PTPRT: variants seen among roughly 807,000 people sequenced by gnomAD.
PTPRT encodes the protein receptor-type tyrosine-protein phosphatase T.
PTPRT carries 56 observed loss-of-function variants against 176.8 expected under a neutral mutation model. The ratio of observed to expected loss-of-function variants is 0.32; its 90% CI spans 0.26 to 0.40. PTPRT has a LOEUF of 0.40. Ranked by LOEUF, PTPRT falls within the 10% of genes least tolerant of loss-of-function variation. The pLI is 1.00. For synonymous variants in PTPRT, 783 were observed against 739.0 expected, an observed-to-expected ratio of 1.06 and a Z score of -0.96; for missense variants, 1,540 against 1,908.2, an observed-to-expected ratio of 0.81 and a Z score of 3.60.
intron 18 of PTPRT, among the ~76,000 whole-genome samples, chr20:42,132,901 A>T (rs1358169915): frequency 6.6e-6 from 1 of 151,914 alleles, no homozygotes; most frequent in Non-Finnish European, 1.5e-5. Flanking sequence ...TAAAACTGCA[A>T]AAACTTGGAG....
At chr20:42,507,649 A>G (rs2071870901) in intron 7 of PTPRT, among the ~76,000 whole-genome samples, 1 of 152,170 alleles carries the variant, frequency 6.6e-6, no homozygotes, top group Non-Finnish European at 1.5e-5. Flanking sequence ...GAGTCTTAAC[A>G]AATATTAGTT....
chr20:42,270,100 C>G (rs74740265), intron 13 of PTPRT, among the ~76,000 whole-genome samples: 1,805 of 152,178 alleles, frequency 0.012, 42 homozygotes, highest in African/African-American at 0.041. Context: ...TGGAACATAT[C>G]TTCTTTTGCT....
intron 15 of PTPRT, among the ~76,000 whole-genome samples, chr20:42,234,799 G>T (rs2056207430): frequency 6.6e-6 from 1 of 152,164 alleles, no homozygotes; most frequent in Non-Finnish European, 1.5e-5. Context: ...TGGTGATGGG[G>T]GCCCATTTGT....
chr20:42,892,467 T>C (rs1288298690), intron 1 of PTPRT, among the ~76,000 whole-genome samples: 1 of 151,024 alleles, frequency 6.6e-6, no homozygotes, highest in East Asian at 1.9e-4. Flanking sequence ...GTTCTTTTAA[T>C]ATCCAGCAGT....
rs1444440253 is a variant in PTPRT, at chr20:42,119,943, G to A, written c.2876C>T (p.Ala959Val). Residue 959 changes from alanine (A) to valine (V), a missense_variant, in exon 20 of 31, where the codon GCG becomes GTG. Coordinates refer to ENST00000373187, the MANE Select transcript of PTPRT (RefSeq NM_007050.6). ...GGAGGGAGGGCACTTACCTTGAGTCGCAATGTAGTGCCGAGGTCGATGGTA... is the reference window on the plus strand; with the variant it reads ...GGAGGGAGGGCACTTACCTTGAGTCACAATGTAGTGCCGAGGTCGATGGTA... ...DGYHRPRHYI[A>V]TQGPMQETVK... The A allele has an allele frequency of 1.9e-6, 3 of 1,608,210 alleles. No individual in the cohort carries two copies. The highest frequency in any genetic ancestry group is 2.5e-6 in the Non-Finnish European group (3 of 1,177,282).
At chr20:42,628,057 A>G (rs571339697) in intron 7 of PTPRT, among the ~76,000 whole-genome samples, 1 of 152,298 alleles carries the variant, frequency 6.6e-6, no homozygotes, top group South Asian at 2.1e-4. Flanking sequence ...CCTAGGAGCC[A>G]TCACAGCCCC....
chr20:42,482,528 A>C (rs2071404822), intron 7 of PTPRT, among the ~76,000 whole-genome samples: 1 of 152,246 alleles, frequency 6.6e-6, no homozygotes. Context: ...GAGTGAACCA[A>C]ACAGGCAAAA....
intron 4 of PTPRT, among the ~76,000 whole-genome samples, chr20:42,776,022 AG>A (rs1457472877): frequency 6.6e-6 from 1 of 152,194 alleles, no homozygotes; most frequent in Non-Finnish European, 1.5e-5. Context: ...CCCTGTAAGC[AG>A]TCCCTGGGGC....
intron 14 of PTPRT, among the ~76,000 whole-genome samples, chr20:42,238,066 C>T (rs1451476178): frequency 6.6e-6 from 1 of 152,120 alleles, no homozygotes; most frequent in African/African-American, 2.4e-5. Context: ...ATCATCTCAT[C>T]TCCTCTTCAC....
intron 14 of PTPRT, among the ~76,000 whole-genome samples, chr20:42,244,436 G>A (rs535906250): frequency 2.0e-5 from 3 of 152,324 alleles, no homozygotes; most frequent in Non-Finnish European, 2.9e-5. Flanking sequence ...CTGGGCAGGG[G>A]AGCAGGGGAG....
intron 8 of PTPRT, among the ~76,000 whole-genome samples, chr20:42,453,120 T>C (rs1002796037): frequency 6.6e-6 from 1 of 152,210 alleles, no homozygotes; most frequent in African/African-American, 2.4e-5. Context: ...TTATTCTTCT[T>C]TTGCAAAGCT....
intron 26 of PTPRT, 75 bp downstream of exon 26, chr20:42,102,049 C>G: frequency 6.5e-7 from 1 of 1,539,374 alleles, no homozygotes; most frequent in East Asian, 2.3e-5. Context: ...GCCCTGAGGT[C>G]CAGCCACCTC....
At chr20:42,206,064 A>C (rs1358246717) in intron 15 of PTPRT, among the ~76,000 whole-genome samples, 1 of 152,132 alleles carries the variant, frequency 6.6e-6, no homozygotes, top group Non-Finnish European at 1.5e-5. Context: ...CAGTTCAGGA[A>C]TGTGGACACC....
chr20:42,886,276 C>T (rs987300312), intron 1 of PTPRT, among the ~76,000 whole-genome samples: 1 of 152,088 alleles, frequency 6.6e-6, no homozygotes, highest in African/African-American at 2.4e-5. Flanking sequence ...TTGTGCAGCA[C>T]GGAGAGATGC....
chr20:42,545,045 C>A (rs781101979), intron 7 of PTPRT, among the ~76,000 whole-genome samples: 4 of 152,172 alleles, frequency 2.6e-5, no homozygotes, highest in African/African-American at 4.8e-5. Flanking sequence ...AAGGAACATA[C>A]GGCCAGACAC....
intron 6 of PTPRT, among the ~76,000 whole-genome samples, chr20:42,694,073 C>CT (rs1481739988): frequency 5.5e-5 from 8 of 146,720 alleles, no homozygotes; most frequent in African/African-American, 1.0e-4. Flanking sequence ...GAGTCTCGCT[C>CT]TGTCGCCCAG....
Position 42,191,334 on chromosome 20 carries a change from G to C in PTPRT, c.2491+7906C>G, listed in dbSNP as rs551829338. Among the ~76,000 whole-genome samples the C allele has an allele frequency of 2.6e-4, 40 of 152,300 alleles. 1 individual carries two copies. In the South Asian group the frequency reaches 7.5e-3, roughly 28 times the overall value. On this transcript the variant is annotated intron_variant, in intron 16 of 30. Coordinates refer to ENST00000373187, the MANE Select transcript of PTPRT (RefSeq NM_007050.6). ...GCTGGAAGCCATGATTTCTACATTA[G>C]GCAGTCACGTGATGAATATTTAGAG...
intron 1 of PTPRT, among the ~76,000 whole-genome samples, chr20:43,031,607 G>A (rs963770089): frequency 6.6e-6 from 1 of 152,164 alleles, no homozygotes; most frequent in Non-Finnish European, 1.5e-5. Context: ...GAGGTTCAGT[G>A]AGGTTACATT....
At chr20:42,902,862 G>A (rs531924401) in intron 1 of PTPRT, among the ~76,000 whole-genome samples, 2 of 152,256 alleles carry the variant, frequency 1.3e-5, no homozygotes, top group East Asian at 1.9e-4. Flanking sequence ...TACCCTCGCT[G>A]AATTTATTCA....
Sources: gnomAD v4.1 joint callset for allele counts (sites outside exome capture counted in the v4.1 genomes callset) on GRCh38, gnomAD v4.1.1 for gene constraint, MANE v1.5 for transcripts, NCBI Gene and HGNC (gene_info 2026-07-23, HGNC 2026-07-21) for gene names.